Variants in PARP12 observed in about 807,000 individuals in gnomAD.
PARP12 encodes the protein protein mono-ADP-ribosyltransferase PARP12.
PARP12 carries 59 observed loss-of-function variants against 72.4 expected under a neutral mutation model. The ratio of observed to expected loss-of-function variants is 0.81; its 90% CI spans 0.66 to 1.01. The LOEUF is 1.01. Among genes scored for constraint, PARP12 ranks in the 50% least tolerant of loss-of-function variants. PARP12 has a pLI of 0.00. For synonymous variants in PARP12, 403 were observed against 371.4 expected (o/e 1.09, Z -0.98); for missense variants, 851 against 914.0 (o/e 0.93, Z 0.89).
chr7:140,047,818 G>T (rs1022261307), intron 4 of PARP12, among the ~76,000 whole-genome samples: 2 of 152,138 alleles, frequency 1.3e-5, no homozygotes, highest in African/African-American at 4.8e-5. Context: ...GTTTCACCAT[G>T]TTGGCCAGGC....
intron 5 of PARP12, among the ~76,000 whole-genome samples, chr7:140,042,510 G>A (rs75940810): frequency 7.9e-5 from 12 of 152,330 alleles, no homozygotes; most frequent in East Asian, 5.8e-4. Flanking sequence ...GGGCAGTATC[G>A]ATGAGTAACG....
chr7:140,062,795 C>A lies in PARP12; in HGVS notation c.53G>T (p.Gly18Val). 1 of 1,412,662 alleles carries A rather than the reference C, an allele frequency of 7.1e-7. No homozygotes were observed. Among genetic ancestry groups the A allele is most frequent in the Non-Finnish European group, 9.3e-7 (1 of 1,080,720 alleles). The allele number at this position is 1,412,662 out of a possible 1,614,324, so 87.5% of individuals were successfully genotyped here. Residue 18 changes from glycine to valine, a missense_variant, in exon 1 of 12, where the codon GGG (glycine) becomes GTG (valine). Physicochemically the swap from Gly to Val is moderately radical, Grantham distance 109 (BLOSUM62 -3). Coordinates refer to ENST00000263549, the MANE Select transcript of PARP12 (RefSeq NM_022750.4). ...CAGCTCGGGCAACTCCAGGGCGCCCCCGGCCGCGCACAGCACCTGGGTGAC... is the reference window on the plus strand; with the variant it reads ...CAGCTCGGGCAACTCCAGGGCGCCCACGGCCGCGCACAGCACCTGGGTGAC... The part of the protein sequence containing the change: ...GEVTQVLCAA[G>V]GALELPELRR...
intron 4 of PARP12, among the ~76,000 whole-genome samples, chr7:140,048,806 C>A (rs1304778859): frequency 6.6e-6 from 1 of 151,918 alleles, no homozygotes; most frequent in East Asian, 1.9e-4. Context: ...TGCTAGCGTG[C>A]CTGTGTAAGG....
intron 1 of PARP12, among the ~76,000 whole-genome samples, chr7:140,061,316 A>G (rs1817433410): frequency 6.6e-6 from 1 of 152,136 alleles, no homozygotes; most frequent in African/African-American, 2.4e-5. Context: ...TGGCCTCAAG[A>G]GCCATGTGCT....
intron 4 of PARP12, among the ~76,000 whole-genome samples, chr7:140,048,984 T>C (rs551239320): frequency 6.6e-6 from 1 of 152,308 alleles, no homozygotes; most frequent in African/African-American, 2.4e-5. Context: ...TTAATTTGTA[T>C]TTCAAAATAA....
rs777641869 is a variant in PARP12 at position 140,054,745 on chromosome 7, C to T, written c.779G>A (p.Gly260Asp). ...GCTAAGAGTGTTTGGGGACACAGAA[C>T]CTGAACTGTCTTTTCTTTCTGCAAA... ...QGTSERKDSSGSVSPNTLSQE... is the reference protein window; with the variant it reads ...QGTSERKDSSDSVSPNTLSQE... Residue 260 changes from glycine (G) to aspartate (D), a missense_variant, in exon 4 of 12, where the codon GGT (glycine) becomes GAT (aspartate). This residue lies in a region of PARP12 where 492 missense variants were observed against 489.3 expected (regional missense o/e 1.01). Transcript: ENST00000263549. The T allele has an allele frequency of 6.2e-7, 1 of 1,613,532 alleles. No homozygotes were observed.
chr7:140,062,474 G>T (rs1458767105), intron 1 of PARP12, 48 bp downstream of exon 1: 1 of 1,493,134 alleles, frequency 6.7e-7, no homozygotes, highest in Non-Finnish European at 8.9e-7. Flanking sequence ...AAGTGCGTGA[G>T]GGCGCGCAGG....
chr7:140,056,782 G>T, intron 3 of PARP12, 74 bp downstream of exon 3: 2 of 1,417,118 alleles, frequency 1.4e-6, no homozygotes, highest in Non-Finnish European at 1.9e-6. Context: ...GTAATGGCTA[G>T]CTGGAATCCG....
intron 1 of PARP12, 85 bp from the exon 2 acceptor site, chr7:140,058,119 G>T: frequency 6.9e-7 from 1 of 1,444,726 alleles, no homozygotes; most frequent in Non-Finnish European, 9.7e-7. Flanking sequence ...CACGACCTCA[G>T]GATATGGCTC....
In PARP12 at chr7:140,024,371, C is replaced by T. The variant is rs908342234; in HGVS notation, c.*189G>A. The T allele has an allele frequency of 1.4e-6, 1 of 699,160 alleles. No homozygotes were observed. 43.3% of individuals were successfully genotyped at this position (699,160 alleles called of 1,614,324 possible). On this transcript the variant is annotated 3_prime_UTR_variant, in exon 12 of 12. Coordinates refer to ENST00000263549, the MANE Select transcript of PARP12 (RefSeq NM_022750.4). ...TCAACTACAATCACTTCTGGTTAAT[C>T]CACTAGTGAACCCAAAAGTGACTTA... is the stretch of plus-strand genomic sequence containing the variant.
intron 8 of PARP12, chr7:140,033,517 G>C (rs1816027833): frequency 1.0e-6 from 1 of 985,298 alleles, no homozygotes; most frequent in African/African-American, 1.7e-5. Flanking sequence ...TCTCCACCAT[G>C]CAGGCCACCT....
chr7:140,025,728 A>G, intron 11 of PARP12: 1 of 328,500 alleles, frequency 3.0e-6, no homozygotes, highest in South Asian at 2.5e-5. Context: ...TTCCAAAGAA[A>G]TAGTATTTTA....
At position 140,028,748 on chromosome 7, in the gene PARP12, A is replaced by G. The variant is rs1815830201; in HGVS notation, c.1422-60T>C. ...TATTCTTACACAAAGCAAATATACC[A>G]TAGGTGGTCTCTGCTAGCCAATATC... On this transcript the variant is annotated intron_variant, in intron 8 of 11. Transcript: ENST00000263549. 5 of 1,428,220 alleles carry G rather than the reference A, an allele frequency of 3.5e-6. No homozygotes were observed. The South Asian group carries it at 6.2e-5, about 18-fold the overall frequency. The allele number at this position is 1,428,220 out of a possible 1,614,324, so 88.5% of individuals were successfully genotyped here. A position where few individuals can be genotyped will look rare whatever the true frequency, so the allele number is the denominator to read the frequency against.
chr7:140,027,271 C>T lies in PARP12; in HGVS notation c.1628+5G>A, dbSNP rs1179523529. Reference sequence around the variant, plus strand: ...CCAGCCCACCAAGAGCGAGCCCCAACGCACCACTGGTAGACTTCCCAGAGG... The same window carrying T: ...CCAGCCCACCAAGAGCGAGCCCCAATGCACCACTGGTAGACTTCCCAGAGG... On this transcript the variant is annotated splice_donor_5th_base_variant and intron_variant, in intron 10 of 11. Coordinates refer to ENST00000263549, the MANE Select transcript of PARP12 (RefSeq NM_022750.4). 12 of 1,612,758 alleles carry T rather than the reference C, an allele frequency of 7.4e-6. No individual in the cohort carries two copies. Among genetic ancestry groups the T allele is most frequent in the Non-Finnish European group, 9.3e-6 (11 of 1,179,238 alleles).
intron 7 of PARP12, among the ~76,000 whole-genome samples, chr7:140,035,409 G>A (rs543276519): frequency 2.0e-5 from 3 of 152,208 alleles, no homozygotes; most frequent in East Asian, 3.9e-4. Flanking sequence ...GCTAAGATAC[G>A]TGGACTGGCT....
At position 140,062,521 on chromosome 7, in the gene PARP12, C is replaced by A; in HGVS notation, c.326+1G>T. The A allele has an allele frequency of 1.9e-6, 3 of 1,546,446 alleles. No individual in the cohort carries two copies. Among genetic ancestry groups the A allele is most frequent in the Non-Finnish European group, 2.6e-6 (3 of 1,150,734 alleles). ...CCGTCGCTCCCGGCGCGGCGCCTTA[C>A]CCGGCTCTCAGGAACTTGCAGGCGC... is the stretch of plus-strand genomic sequence containing the variant. On this transcript the variant is annotated splice_donor_variant, in intron 1 of 11. Coordinates refer to ENST00000263549, the MANE Select transcript of PARP12 (RefSeq NM_022750.4). LOFTEE classifies it high-confidence loss of function.
At position 140,034,315 on chromosome 7, in the gene PARP12, G is replaced by C. The variant is rs1335663943; in HGVS notation, c.1341C>G (p.Asn447Lys). ...ELDFKAFVQK[N>K]LVYGTTKKVC... Reference sequence around the variant, plus strand: ...CCTTTTTAGTTGTGCCATAGACCAGGTTTTTCTGAACGAAGGCTGAAAAAA... The same window carrying C: ...CCTTTTTAGTTGTGCCATAGACCAGCTTTTTCTGAACGAAGGCTGAAAAAA... Residue 447 changes from asparagine to lysine, a missense_variant, in exon 8 of 12, where the codon AAC (asparagine) becomes AAG (lysine). By Grantham distance (94) the Asn-to-Lys change is moderately conservative. Transcript: ENST00000263549. 1 of 1,611,536 alleles carries C rather than the reference G, an allele frequency of 6.2e-7. No individual in the cohort carries two copies. Among genetic ancestry groups the C allele is most frequent in the East Asian group, 2.2e-5 (1 of 44,806 alleles).
At chr7:140,027,859 T>A (rs1217107365) in intron 9 of PARP12, among the ~76,000 whole-genome samples, 4 of 151,984 alleles carry the variant, frequency 2.6e-5, no homozygotes. Flanking sequence ...TTTTTTCTTG[T>A]CCCACACAGG....
intron 1 of PARP12, among the ~76,000 whole-genome samples, chr7:140,058,925 G>T (rs1817314925): frequency 1.3e-5 from 2 of 151,804 alleles, no homozygotes; most frequent in Admixed American, 1.3e-4. Flanking sequence ...AAGAAAACCT[G>T]TATCTACTAA....
Sources: allele counts gnomAD v4.1 joint callset (sites outside exome capture counted in the v4.1 genomes callset), GRCh38; gene constraint gnomAD v4.1.1; regional missense constraint gnomAD v4.1.1; transcripts MANE v1.5; gene names NCBI Gene and HGNC (gene_info 2026-07-23, HGNC 2026-07-21).